The following TMTC2 variants were observed in gnomAD, a reference collection of about 807,000 sequenced individuals.
TMTC2 encodes transmembrane O-mannosyltransferase targeting cadherins 2.
Under a neutral mutation model 82.4 loss-of-function variants are expected in TMTC2, and 43 were observed. The ratio of observed to expected loss-of-function variants is 0.52; its 90% CI spans 0.41 to 0.67. TMTC2 has a LOEUF of 0.67. Among genes scored for constraint, TMTC2 ranks in the 30% least tolerant of loss-of-function variants. The pLI, the probability that TMTC2 is intolerant of heterozygous loss-of-function variation, is 0.00. For missense variants in TMTC2, 919 were observed against 1,012.4 expected, an observed-to-expected ratio of 0.91 and a Z score of 1.25; for synonymous variants, 408 against 381.9, an observed-to-expected ratio of 1.07 and a Z score of -0.80.
At chr12:82,783,127 T>G (rs1388405979) in intron 1 of TMTC2, among the ~76,000 whole-genome samples, 1 of 152,114 alleles carries the variant, frequency 6.6e-6, no homozygotes, top group Admixed American at 6.6e-5. Flanking sequence ...TCCTGGACTT[T>G]GAGGGAAATT....
chr12:82,695,187 C>A (rs1240986196), intron 1 of TMTC2, among the ~76,000 whole-genome samples: 1 of 152,156 alleles, frequency 6.6e-6, no homozygotes, highest in Non-Finnish European at 1.5e-5. Context: ...GTCCATATAA[C>A]CCTGCATACT....
chr12:82,909,227 A>T (rs1325882332), intron 3 of TMTC2, among the ~76,000 whole-genome samples: 2 of 152,180 alleles, frequency 1.3e-5, no homozygotes, highest in African/African-American at 4.8e-5. Flanking sequence ...CTCCTGCATG[A>T]AGTTCATTAA....
intron 11 of TMTC2, among the ~76,000 whole-genome samples, chr12:83,100,120 A>T (rs1361178658): frequency 6.6e-6 from 1 of 151,944 alleles, no homozygotes; most frequent in Non-Finnish European, 1.5e-5. Context: ...GGGTTTCACC[A>T]TGTTGGTCAG....
intron 1 of TMTC2, among the ~76,000 whole-genome samples, chr12:82,826,924 C>A (rs1869452871): frequency 6.6e-6 from 1 of 152,122 alleles, no homozygotes; most frequent in Non-Finnish European, 1.5e-5. Context: ...CACATTAAAT[C>A]ATAAATTTTA....
chr12:83,096,701 T>C (rs1024559709), intron 11 of TMTC2, among the ~76,000 whole-genome samples: 1 of 152,090 alleles, frequency 6.6e-6, no homozygotes, highest in Non-Finnish European at 1.5e-5. Flanking sequence ...CCAGGACCCC[T>C]CCCACAACAC....
intron 3 of TMTC2, among the ~76,000 whole-genome samples, chr12:82,919,441 A>G (rs1233128576): frequency 6.6e-6 from 1 of 152,174 alleles, no homozygotes; most frequent in African/African-American, 2.4e-5. Context: ...CCTTCTTATA[A>G]TGCAAAAATA....
At chr12:82,920,353 T>A (rs1371338644) in intron 3 of TMTC2, among the ~76,000 whole-genome samples, 4 of 152,072 alleles carry the variant, frequency 2.6e-5, no homozygotes, top group East Asian at 3.9e-4. Flanking sequence ...TTTGAAAAAA[T>A]TTAGAGGTAT....
At chr12:83,067,845 A>G (rs1352007414) in intron 11 of TMTC2, among the ~76,000 whole-genome samples, 1 of 152,082 alleles carries the variant, frequency 6.6e-6, no homozygotes. Flanking sequence ...CATTTCTAAT[A>G]TTTAGAATAT....
intron 8 of TMTC2, among the ~76,000 whole-genome samples, chr12:83,022,288 G>T (rs1312919279): frequency 6.6e-6 from 1 of 151,872 alleles, no homozygotes; most frequent in African/African-American, 2.4e-5. Flanking sequence ...ATCTTTGCCT[G>T]CCCTGCCTAC....
At chr12:82,741,932 C>T (rs1186760190) in intron 1 of TMTC2, among the ~76,000 whole-genome samples, 3 of 152,090 alleles carry the variant, frequency 2.0e-5, no homozygotes, top group African/African-American at 7.2e-5. Context: ...GACCAAGATG[C>T]AAGGAGTTCT....
chr12:82,876,244 T>C (rs116235903), intron 2 of TMTC2, among the ~76,000 whole-genome samples: 2,402 of 150,084 alleles, frequency 0.016, 66 homozygotes, highest in African/African-American at 0.057. Context: ...CTTTGGCAGG[T>C]GGTAGTGATG....
chr12:82,758,075 T>C lies in TMTC2; in HGVS notation c.83+70406T>C, dbSNP rs138590347. On this transcript the variant is annotated intron_variant, in intron 1 of 11. Coordinates refer to ENST00000321196, the MANE Select transcript of TMTC2 (RefSeq NM_152588.3). ...TGGTCCTGTTATCACTTAAGAAATATAAATTTTACCTTATTTTATATTTAT... is the reference window on the plus strand; with the variant it reads ...TGGTCCTGTTATCACTTAAGAAATACAAATTTTACCTTATTTTATATTTAT... Among the ~76,000 whole-genome samples, 889 of 152,288 alleles carry C rather than the reference T, an allele frequency of 5.8e-3. 7 individuals are homozygous for C. The highest frequency in any genetic ancestry group is 9.8e-3 in the Non-Finnish European group (667 of 68,008).
chr12:82,971,233 C>T (rs1171617223), intron 7 of TMTC2, among the ~76,000 whole-genome samples: 1 of 151,584 alleles, frequency 6.6e-6, no homozygotes, highest in Non-Finnish European at 1.5e-5. Context: ...AATCCAAATG[C>T]TTTTTCTGCT....
intron 1 of TMTC2, among the ~76,000 whole-genome samples, chr12:82,821,819 G>A (rs187553250): frequency 1.5e-4 from 23 of 151,012 alleles, no homozygotes; most frequent in Admixed American, 5.9e-4. Flanking sequence ...GTTGGAGACC[G>A]AGGTTGCAGT....
At chr12:82,986,705 A>G (rs1325387069) in intron 8 of TMTC2, 1 of 152,486 alleles carries the variant, frequency 6.6e-6, no homozygotes, top group African/African-American at 2.4e-5. Flanking sequence ...ACTATGTGAC[A>G]AGCACCCTTG....
chr12:82,806,241 C>T (rs144297023), intron 1 of TMTC2, among the ~76,000 whole-genome samples: 2 of 152,196 alleles, frequency 1.3e-5, no homozygotes, highest in African/African-American at 4.8e-5. Context: ...TCTGCCAACT[C>T]TGACAGCATT....
At chr12:82,988,820 C>T (rs1246957582) in intron 8 of TMTC2, among the ~76,000 whole-genome samples, 1 of 148,552 alleles carries the variant, frequency 6.7e-6, no homozygotes, top group Non-Finnish European at 1.5e-5. Flanking sequence ...AAATGACTGG[C>T]TCCCAAACCA....
rs539659804 is a variant in TMTC2 at position 82,981,256 on chromosome 12, C to G, written c.1949-4669C>G. Among the ~76,000 whole-genome samples, 3 of 151,918 alleles carry G rather than the reference C, an allele frequency of 2.0e-5. No individual in the cohort carries two copies. In the South Asian group the frequency reaches 6.2e-4, roughly 31 times the overall value. ...TTAATAATAATTCCCACTAAATGCT[C>G]TATTCTTTATCTGCAAGCAGGAGCT... On this transcript the variant is annotated intron_variant, in intron 7 of 11. Transcript: ENST00000321196.
chr12:82,961,095 G>A (rs1334726935), intron 4 of TMTC2, among the ~76,000 whole-genome samples: 1 of 151,490 alleles, frequency 6.6e-6, no homozygotes, highest in Non-Finnish European at 1.5e-5. Flanking sequence ...AATGAAGAAA[G>A]TAATAATATC....
Sources: gnomAD v4.1 joint callset for allele counts (sites outside exome capture counted in the v4.1 genomes callset) on GRCh38, gnomAD v4.1.1 for gene constraint, MANE v1.5 for transcripts, NCBI Gene and HGNC (gene_info 2026-07-23, HGNC 2026-07-21) for gene names.